Variants in MFAP3L observed in about 807,000 individuals in gnomAD.
The protein encoded by MFAP3L is microfibrillar-associated protein 3-like.
Under a neutral mutation model 20.0 loss-of-function variants are expected in MFAP3L, and 5 were observed. That is an observed-to-expected ratio of 0.25 (90% CI 0.13 to 0.53). The LOEUF is 0.53. Ranked by LOEUF, MFAP3L falls within the 20% of genes least tolerant of loss-of-function variation. The probability of loss-of-function intolerance (pLI) is 0.96; values close to 1 mark genes in which losing one functional copy is unlikely to be tolerated. For missense variants in MFAP3L, 409 were observed against 527.5 expected, an observed-to-expected ratio of 0.78 and a Z score of 2.20; for synonymous variants, 219 against 213.0, an observed-to-expected ratio of 1.03 and a Z score of -0.25.
At chr4:170,002,050 G>A (rs1174835696) in intron 2 of MFAP3L, 15 of 985,336 alleles carry the variant, frequency 1.5e-5, no homozygotes, top group South Asian at 4.7e-5. Context: ...GTGACTCACC[G>A]ATGATTTTTG....
chr4:170,006,115 C>A (rs892247137), intron 1 of MFAP3L, 105 bp from the exon 2 acceptor site: 4 of 605,930 alleles, frequency 6.6e-6, no homozygotes, highest in Non-Finnish European at 9.2e-6. Context: ...CATCAACATA[C>A]TTTTTTTTTT....
At chr4:170,002,774 C>T (rs753489526) in intron 2 of MFAP3L, among the ~76,000 whole-genome samples, 1 of 151,816 alleles carries the variant, frequency 6.6e-6, no homozygotes, top group Non-Finnish European at 1.5e-5. Flanking sequence ...TCCCAAAGTG[C>T]TGGGATTACA....
chr4:169,988,050 C>G lies in MFAP3L; in HGVS notation c.*3328G>C, dbSNP rs919363766. 6.6e-6 allele frequency: 1 copy of G among 152,166 alleles called. No individual in the cohort carries two copies. Among genetic ancestry groups the G allele is most frequent in the African/African-American group, 2.4e-5 (1 of 41,452 alleles). 9.4% of individuals were successfully genotyped at this position (152,166 alleles called of 1,614,324 possible). On this transcript the variant is annotated 3_prime_UTR_variant, in exon 3 of 3. Coordinates refer to ENST00000361618, the MANE Select transcript of MFAP3L (RefSeq NM_021647.8). ...TCATAAGCATCCAAGACAAATCATT[C>G]TGGACATAATGACACAGCACAATAA...
At chr4:170,023,198 C>A (rs941502984) in intron 1 of MFAP3L, among the ~76,000 whole-genome samples, 1 of 152,184 alleles carries the variant, frequency 6.6e-6, no homozygotes, top group Non-Finnish European at 1.5e-5. Flanking sequence ...CCTCCTCAGT[C>A]CCATGTGCAT....
rs1222231938 is a variant in MFAP3L, at chr4:169,997,488, GA to G, written c.299-5180del. 7.9e-5 allele frequency among the ~76,000 whole-genome samples: 12 copies of G among 151,998 alleles called. No individual in the cohort carries two copies. The East Asian group carries it at 2.1e-3, about 27-fold the overall frequency. On this transcript the variant is annotated intron_variant, in intron 2 of 2. Coordinates refer to ENST00000361618, the MANE Select transcript of MFAP3L (RefSeq NM_021647.8). Reference sequence around the variant, plus strand: ...CAAGCAAGTCAAGACAAACCCAAAAGAAAAAATGGGAAAAGGCTATGAACAG... The same window carrying G: ...CAAGCAAGTCAAGACAAACCCAAAAGAAAAATGGGAAAAGGCTATGAACAG...
chr4:170,022,100 C>T (rs941888551), intron 1 of MFAP3L, among the ~76,000 whole-genome samples: 1 of 152,188 alleles, frequency 6.6e-6, no homozygotes, highest in Non-Finnish European at 1.5e-5. Flanking sequence ...GGACAATGAG[C>T]AGAAACAAAG....
chr4:170,007,483 A>C (rs188404314), intron 1 of MFAP3L, among the ~76,000 whole-genome samples: 123 of 152,312 alleles, frequency 8.1e-4, no homozygotes, highest in African/African-American at 2.7e-3. Context: ...TGTCTTGGGC[A>C]AGTACAAGAC....
At chr4:169,999,115 C>A (rs934814914) in intron 2 of MFAP3L, among the ~76,000 whole-genome samples, 21 of 152,222 alleles carry the variant, frequency 1.4e-4, no homozygotes, top group African/African-American at 4.8e-4. Context: ...ATGAGAGCTC[C>A]TTGAAGCCAC....
chr4:170,022,517 T>G (rs6813657), intron 1 of MFAP3L, among the ~76,000 whole-genome samples: 9,471 of 152,282 alleles, frequency 0.062, 416 homozygotes, highest in Non-Finnish European at 0.094. Context: ...AACCTTTCAG[T>G]GGATATGGCT....
chr4:170,023,496 C>A lies in MFAP3L; in HGVS notation c.-134+2738G>T, dbSNP rs76008243. Reference sequence around the variant, plus strand: ...AATCAACCAAACCCTTTGTAACCATCTTTCAACCATGCCAGGGAGGTATTA... The same window carrying A: ...AATCAACCAAACCCTTTGTAACCATATTTCAACCATGCCAGGGAGGTATTA... On this transcript the variant is annotated intron_variant, in intron 1 of 2. Transcript: ENST00000361618. 3.2e-3 allele frequency among the ~76,000 whole-genome samples: 492 copies of A among 152,368 alleles called. 2 individuals carry two copies. The highest frequency in any genetic ancestry group is 5.7e-3 in the Non-Finnish European group (385 of 68,036).
intron 2 of MFAP3L, among the ~76,000 whole-genome samples, chr4:170,001,779 T>C (rs1362633318): frequency 6.6e-6 from 1 of 152,220 alleles, no homozygotes; most frequent in Non-Finnish European, 1.5e-5. Context: ...AAACAGGTTC[T>C]TTGCTGAACT....
chr4:170,019,737 C>T (rs970775944), intron 1 of MFAP3L, among the ~76,000 whole-genome samples: 1 of 152,210 alleles, frequency 6.6e-6, no homozygotes, highest in Non-Finnish European at 1.5e-5. Flanking sequence ...GCAAACCCTT[C>T]CCTTACGATC....
At position 169,991,145 on chromosome 4, in the gene MFAP3L, G is replaced by T; in HGVS notation, c.*233C>A. ...AGCCTCTGAAACTCATTATCACATA[G>T]ACACCTTCTGTCTGGTATCAATTCT... is the stretch of plus-strand genomic sequence containing the variant. On this transcript the variant is annotated 3_prime_UTR_variant, in exon 3 of 3. Coordinates refer to ENST00000361618, the MANE Select transcript of MFAP3L (RefSeq NM_021647.8). The surrounding 1 kb of genome is among the most constrained non-coding windows in gnomAD (Gnocchi z 4.9). 1 of 560,600 alleles carries T rather than the reference G, an allele frequency of 1.8e-6. No homozygotes were observed. The highest frequency in any genetic ancestry group is 3.1e-6 in the Non-Finnish European group (1 of 318,150). The allele number at this position is 560,600 out of a possible 1,614,324, so 34.7% of individuals were successfully genotyped here. A position where few individuals can be genotyped will look rare whatever the true frequency, so the allele number is the denominator to read the frequency against.
At position 169,991,587 on chromosome 4, in the gene MFAP3L, T is replaced by G. The variant is rs1404044118; in HGVS notation, c.1021A>C (p.Lys341Gln). 2 of 1,614,196 alleles carry G rather than the reference T, an allele frequency of 1.2e-6. No homozygotes were observed. The highest frequency in any genetic ancestry group is 2.2e-5 in the South Asian group (2 of 91,086). ...GACAGTTCTGTCTCCTCTACATCTT[T>G]GACTTCAAACTGTCCACCCTCTTGG... is the stretch of plus-strand genomic sequence containing the variant. Reference protein sequence around the residue: ...DDQEGGQFEVKDVEETELSAE... With the variant: ...DDQEGGQFEVQDVEETELSAE... The change falls in exon 3 of 3, where the codon AAA (lysine) becomes CAA (glutamine). Residue 341 changes from lysine (K) to glutamine (Q), a missense_variant. This residue lies in a region of MFAP3L where 169 missense variants were observed against 178.2 expected (regional missense o/e 0.95). Transcript: ENST00000361618. This position sits in a 1 kb window ranked among gnomAD's most constrained non-coding sequence, Gnocchi z 4.9.
intron 2 of MFAP3L, among the ~76,000 whole-genome samples, chr4:170,002,844 T>TAA (rs200565141): frequency 2.9e-4 from 41 of 143,846 alleles, no homozygotes; most frequent in African/African-American, 1.0e-3. Context: ...CCTCTTTATT[T>TAA]AAAAAAAAAA....
chr4:170,023,576 G>C (rs1231530277), intron 1 of MFAP3L, among the ~76,000 whole-genome samples: 2 of 152,178 alleles, frequency 1.3e-5, no homozygotes, highest in African/African-American at 4.8e-5. Flanking sequence ...ACCGCAATGT[G>C]ATATGCCATA....
chr4:170,010,168 T>C (rs369274375), intron 1 of MFAP3L, among the ~76,000 whole-genome samples: 16 of 152,220 alleles, frequency 1.1e-4, no homozygotes, highest in African/African-American at 3.1e-4. Flanking sequence ...TACTAACTTT[T>C]CAAAACTGGT....
chr4:169,992,925 A>G lies in MFAP3L; in HGVS notation c.299-616T>C, dbSNP rs184577280. On this transcript the variant is annotated intron_variant, in intron 2 of 2. Coordinates refer to ENST00000361618, the MANE Select transcript of MFAP3L (RefSeq NM_021647.8). The surrounding 1 kb of genome is among the most constrained non-coding windows in gnomAD (Gnocchi z 4.3). Reference sequence around the variant, plus strand: ...TTTGAGACTCCACAGTGAATTATCTATACTATTTAAAGTTACAAGCTAACA... The same window carrying G: ...TTTGAGACTCCACAGTGAATTATCTGTACTATTTAAAGTTACAAGCTAACA... Among the ~76,000 whole-genome samples, 14 of 152,362 alleles carry G rather than the reference A, an allele frequency of 9.2e-5. No homozygotes were observed. Among genetic ancestry groups the G allele is most frequent in the Admixed American group, 4.6e-4 (7 of 15,314 alleles).
chr4:170,025,029 T>C (rs72621986), intron 1 of MFAP3L, among the ~76,000 whole-genome samples: 26,450 of 152,210 alleles, frequency 0.17, 3,350 homozygotes, highest in East Asian at 0.69. Flanking sequence ...CAGAACTAGT[T>C]CCCACTAGAA....
Sources: gnomAD v4.1 joint callset for allele counts (sites outside exome capture counted in the v4.1 genomes callset) on GRCh38, gnomAD v4.1.1 for gene constraint, gnomAD v4.1.1 regional missense constraint, Gnocchi (gnomAD v3.1) non-coding constraint, MANE v1.5 for transcripts, NCBI Gene and HGNC (gene_info 2026-07-23, HGNC 2026-07-21) for gene names.